SLC17A4: variants seen among roughly 807,000 people sequenced by gnomAD.
SLC17A4 encodes the protein probable small intestine urate exporter.
In SLC17A4, 33 loss-of-function variants were observed where a neutral mutation model predicts 52.5. The observed-to-expected ratio is 0.63, with a 90% CI of 0.48 to 0.84. The LOEUF is 0.84. SLC17A4 is among the 40% of genes least tolerant of loss of function. The pLI is 0.00. For missense variants in SLC17A4, 585 were observed against 597.1 expected, an observed-to-expected ratio of 0.98 and a Z score of 0.21; for synonymous variants, 225 against 216.2, an observed-to-expected ratio of 1.04 and a Z score of -0.36.
At chr6:25,764,127 T>A (rs1313028091) in intron 2 of SLC17A4, among the ~76,000 whole-genome samples, 2 of 152,156 alleles carry the variant, frequency 1.3e-5, no homozygotes, top group Non-Finnish European at 2.9e-5. Context: ...TGACTGATCC[T>A]CACTTATCCA....
intron 8 of SLC17A4, among the ~76,000 whole-genome samples, chr6:25,775,087 T>C (rs1048947461): frequency 5.3e-5 from 8 of 152,134 alleles, no homozygotes; most frequent in African/African-American, 1.7e-4. Context: ...CCCAACACTT[T>C]GGGAGGATGA....
intron 8 of SLC17A4, among the ~76,000 whole-genome samples, chr6:25,773,985 T>C (rs1027688466): frequency 2.6e-5 from 4 of 152,134 alleles, no homozygotes; most frequent in African/African-American, 7.2e-5. Context: ...AATTTTATAC[T>C]CAATCCCATC....
chr6:25,777,041 A>T (rs895526430), intron 10 of SLC17A4, 82 bp downstream of exon 10: 2 of 1,453,550 alleles, frequency 1.4e-6, no homozygotes, highest in Non-Finnish European at 1.9e-6. Flanking sequence ...TGAAAGTAAA[A>T]TGTGGCAGGT....
intron 1 of SLC17A4, among the ~76,000 whole-genome samples, chr6:25,760,183 C>A (rs1046126527): frequency 9.2e-5 from 14 of 152,152 alleles, no homozygotes; most frequent in Non-Finnish European, 1.8e-4. Flanking sequence ...ATATCCATGT[C>A]CTTGATAGCA....
At chr6:25,766,655 C>T (rs1762045919) in intron 2 of SLC17A4, among the ~76,000 whole-genome samples, 2 of 152,142 alleles carry the variant, frequency 1.3e-5, no homozygotes, top group African/African-American at 2.4e-5. Context: ...AATGAGTTTA[C>T]CTCCATGGCC....
At chr6:25,774,159 C>T (rs1346583325) in intron 8 of SLC17A4, among the ~76,000 whole-genome samples, 4 of 152,132 alleles carry the variant, frequency 2.6e-5, no homozygotes, top group South Asian at 2.1e-4. Flanking sequence ...TAGACATTTG[C>T]GGAGTAATGT....
At position 25,776,919 on chromosome 6, in the gene SLC17A4, G is replaced by A. The variant is rs2151461632; in HGVS notation, c.1228G>A (p.Glu410Lys). The stretch of plus-strand genomic sequence containing the variant: ...GTCTTCTGCCATCAGCAGCTTCTGT[G>A]AATCAGGAGCCCTTGTTAACTTCTT... The part of the protein sequence containing the change: ...VLSSAISSFC[E>K]SGALVNFLDI... Residue 410 changes from glutamate to lysine, a missense_variant, in exon 10 of 12, where the codon GAA becomes AAA. By Grantham distance (56) the Glu-to-Lys change is moderately conservative. Coordinates refer to ENST00000377905, the MANE Select transcript of SLC17A4 (RefSeq NM_005495.3). The A allele has an allele frequency of 1.2e-6, 2 of 1,613,690 alleles. No homozygotes were observed. Among genetic ancestry groups the A allele is most frequent in the Non-Finnish European group, 1.7e-6 (2 of 1,179,756 alleles).
At chr6:25,761,633 A>G (rs1761540301) in intron 1 of SLC17A4, among the ~76,000 whole-genome samples, 1 of 152,174 alleles carries the variant, frequency 6.6e-6, no homozygotes, top group African/African-American at 2.4e-5. Context: ...TGATACTAGT[A>G]TCAATTTAGA....
intron 5 of SLC17A4, among the ~76,000 whole-genome samples, chr6:25,770,680 C>A (rs1762410387): frequency 6.6e-6 from 1 of 152,148 alleles, no homozygotes; most frequent in South Asian, 2.1e-4. Context: ...CACATATTTT[C>A]ATCTTATCCT....
At chr6:25,758,074 A>G (rs1211743203) in intron 1 of SLC17A4, among the ~76,000 whole-genome samples, 1 of 152,160 alleles carries the variant, frequency 6.6e-6, no homozygotes, top group Non-Finnish European at 1.5e-5. Context: ...AGTGTGGTGT[A>G]GACCTTTGCT....
chr6:25,769,663 C>T (rs1386924201), intron 3 of SLC17A4, among the ~76,000 whole-genome samples: 1 of 152,052 alleles, frequency 6.6e-6, no homozygotes, highest in Non-Finnish European at 1.5e-5. Flanking sequence ...TAACCAGGGA[C>T]TAAGTTAGAA....
intron 2 of SLC17A4, chr6:25,768,341 G>A: frequency 7.1e-6 from 7 of 984,136 alleles, no homozygotes; most frequent in Non-Finnish European, 8.4e-6. Flanking sequence ...TACAGGGATA[G>A]TGGATGAATT....
chr6:25,771,102 A>C (rs1454220256), intron 6 of SLC17A4, 90 bp downstream of exon 6: 17 of 1,035,260 alleles, frequency 1.6e-5, no homozygotes, highest in Non-Finnish European at 2.6e-5. Context: ...ATAGATATGG[A>C]TATTTACATA....
In SLC17A4 at chr6:25,779,077, T is replaced by C. The variant is rs1763169040; in HGVS notation, c.1383T>C (p.Asn461=). Residue 461 remains asparagine (N), a synonymous_variant, in exon 12 of 12, where the codon AAT becomes AAC. Transcript: ENST00000377905. ...ISQDSEFGWR[N]VFLLSAAVNI... ...AGGATTCAGAGTTTGGTTGGAGAAATGTCTTCTTGCTTTCAGCTGCTGTTA... is the reference window on the plus strand; with the variant it reads ...AGGATTCAGAGTTTGGTTGGAGAAACGTCTTCTTGCTTTCAGCTGCTGTTA... The C allele has an allele frequency of 1.2e-6, 2 of 1,613,774 alleles. No individual in the cohort carries two copies. Among genetic ancestry groups the C allele is most frequent in the Non-Finnish European group, 8.5e-7 (1 of 1,179,736 alleles).
chr6:25,773,665 C>A lies in SLC17A4; in HGVS notation c.978C>A (p.Asn326Lys). The A allele has an allele frequency of 1.2e-6, 2 of 1,613,270 alleles. No homozygotes were observed. The highest frequency in any genetic ancestry group is 8.5e-7 in the Non-Finnish European group (1 of 1,179,548). Reference protein sequence around the residue: ...PTYISSVLQANLRDSGILSAL... With the variant: ...PTYISSVLQAKLRDSGILSAL... ...ACATCAGCTCGGTACTTCAAGCCAA[C>A]CTCAGAGATGTAAGTACAGAGAAAG... The change falls in exon 8 of 12, where the codon AAC (asparagine) becomes AAA (lysine). Residue 326 changes from asparagine (N) to lysine (K), a missense_variant. Asn to Lys is a moderately conservative substitution (Grantham distance 94). Transcript: ENST00000377905.
chr6:25,768,876 C>T (rs1762242374), intron 2 of SLC17A4, 109 bp from the exon 3 acceptor site: 2 of 1,010,418 alleles, frequency 2.0e-6, no homozygotes, highest in Admixed American at 4.0e-5. Context: ...GTCTGCTCTC[C>T]CTATATTTCT....
At chr6:25,760,907 C>T (rs1367320449) in intron 1 of SLC17A4, among the ~76,000 whole-genome samples, 4 of 152,078 alleles carry the variant, frequency 2.6e-5, no homozygotes, top group Admixed American at 2.0e-4. Flanking sequence ...TCAGTTTATT[C>T]TATTTTTGGA....
chr6:25,767,768 G>A lies in SLC17A4; in HGVS notation c.92-1217G>A, dbSNP rs1002859855. On this transcript the variant is annotated intron_variant, in intron 2 of 11. Transcript: ENST00000377905. ...TGTCCATTTTTTTGAAAATGCTGGT[G>A]AATTAAATTACCCAGGAGAATGAAA... 1.7e-4 allele frequency among the ~76,000 whole-genome samples: 26 copies of A among 152,186 alleles called. 2 individuals carry two copies. The highest frequency in any genetic ancestry group is 1.5e-3 in the Admixed American group (23 of 15,282).
At position 25,754,783 on chromosome 6, in the gene SLC17A4, T is replaced by C. The variant is rs531546901; in HGVS notation, c.-37+2T>C. On this transcript the variant is annotated splice_donor_variant, in intron 1 of 11. Coordinates refer to ENST00000377905, the MANE Select transcript of SLC17A4 (RefSeq NM_005495.3). LOFTEE classifies it low-confidence loss of function (5UTR_SPLICE). Reference sequence around the variant, plus strand: ...GATCCTGCACTCTTCCTCCCTCAGGTTAGTTAGCTTTCAAACTTTTACCCT... The same window carrying C: ...GATCCTGCACTCTTCCTCCCTCAGGCTAGTTAGCTTTCAAACTTTTACCCT... 4 of 152,306 alleles carry C rather than the reference T, an allele frequency of 2.6e-5. No individual in the cohort carries two copies. In the East Asian group the frequency reaches 7.7e-4, roughly 29 times the overall value. 9.4% of individuals were successfully genotyped at this position (152,306 alleles called of 1,614,324 possible).
Sources: gnomAD v4.1 joint callset for allele counts (sites outside exome capture counted in the v4.1 genomes callset) on GRCh38, gnomAD v4.1.1 for gene constraint, MANE v1.5 for transcripts, NCBI Gene and HGNC (gene_info 2026-07-23, HGNC 2026-07-21) for gene names.